The following TAS1R1 variants were observed in gnomAD, a reference collection of about 807,000 sequenced individuals.
TAS1R1 encodes the protein taste receptor type 1 member 1.
A neutral mutation model predicts 45.8 loss-of-function variants in TAS1R1; 31 were observed. That is an observed-to-expected ratio of 0.68 (90% CI 0.51 to 0.91). The LOEUF is 0.91. Among genes scored for constraint, TAS1R1 ranks in the 40% least tolerant of loss-of-function variants. TAS1R1 has a pLI of 0.00. For missense variants in TAS1R1, 1,051 were observed against 1,063.9 expected, an observed-to-expected ratio of 0.99 and a Z score of 0.17; for synonymous variants, 437 against 448.4, an observed-to-expected ratio of 0.97 and a Z score of 0.32.
At chr1:6,566,664 C>T (rs1347805536) in intron 1 of TAS1R1, among the ~76,000 whole-genome samples, 3 of 152,180 alleles carry the variant, frequency 2.0e-5, no homozygotes, top group African/African-American at 4.8e-5. Context: ...GGCGCTATCT[C>T]GGCTCACTGC....
intron 1 of TAS1R1, among the ~76,000 whole-genome samples, chr1:6,568,294 A>G (rs1639915868): frequency 6.6e-6 from 1 of 151,932 alleles, no homozygotes. Flanking sequence ...CTAAAAAAAA[A>G]TACAAAAAAA....
At chr1:6,559,115 A>T (rs1639736940) in intron 1 of TAS1R1, among the ~76,000 whole-genome samples, 1 of 151,668 alleles carries the variant, frequency 6.6e-6, no homozygotes, top group Non-Finnish European at 1.5e-5. Flanking sequence ...GGATGGTCTC[A>T]ATCTCCTGAC....
intron 1 of TAS1R1, among the ~76,000 whole-genome samples, chr1:6,560,901 G>A (rs544777893): frequency 5.4e-5 from 8 of 149,282 alleles, no homozygotes; most frequent in East Asian, 2.0e-4. Flanking sequence ...GGAGAATGGC[G>A]TGAACCCAGG....
intron 1 of TAS1R1, among the ~76,000 whole-genome samples, chr1:6,567,415 C>T (rs1229054508): frequency 1.3e-5 from 2 of 152,112 alleles, no homozygotes; most frequent in East Asian, 1.9e-4. Flanking sequence ...AAAAAATTAG[C>T]CAGGCGTGGT....
intron 1 of TAS1R1, among the ~76,000 whole-genome samples, 168 bp downstream of exon 1, chr1:6,555,732 A>G (rs1639665401): frequency 6.6e-6 from 1 of 152,194 alleles, no homozygotes; most frequent in South Asian, 2.1e-4. Context: ...ACCTTCCTAG[A>G]CACTTCGGCC....
Position 6,555,478 on chromosome 1 carries a change from C to T in TAS1R1, c.105C>T (p.Pro35=), listed in dbSNP as rs757614874. 177 of 1,592,206 alleles carry T rather than the reference C, an allele frequency of 1.1e-4. No homozygotes were observed. The South Asian group carries it at 1.9e-3, about 17-fold the overall frequency. The change falls in exon 1 of 6, where the codon CCC becomes CCT. Residue 35 remains proline (P), a synonymous_variant. Transcript: ENST00000333172. ...AGTCTTCTCCTGACTTCACCCTCCC[C>T]GGAGATTACCTCCTGGCAGGCCTGT... ...STESSPDFTL[P]GDYLLAGLFP...
At chr1:6,558,044 TTTTGTTTTTG>T (rs1639716562) in intron 1 of TAS1R1, among the ~76,000 whole-genome samples, 1 of 138,084 alleles carries the variant, frequency 7.2e-6, no homozygotes, top group African/African-American at 2.7e-5. Context: ...TAGTTTTTGT[TTTTGTTTTTG>T]TTTTTTTTCT....
chr1:6,569,240 T>G (rs1639948121), intron 1 of TAS1R1, among the ~76,000 whole-genome samples: 1 of 151,992 alleles, frequency 6.6e-6, no homozygotes, highest in South Asian at 2.1e-4. Flanking sequence ...AGTCATCGAC[T>G]GGGGCTGTAG....
intron 1 of TAS1R1, among the ~76,000 whole-genome samples, chr1:6,563,839 A>T (rs898563100): frequency 6.6e-6 from 1 of 152,168 alleles, no homozygotes; most frequent in Admixed American, 6.5e-5. Context: ...AGGGGAGGTC[A>T]TCTATCCACT....
chr1:6,566,752 C>T (rs1466143929), intron 1 of TAS1R1, among the ~76,000 whole-genome samples: 4 of 152,196 alleles, frequency 2.6e-5, no homozygotes, highest in Non-Finnish European at 4.4e-5. Flanking sequence ...CCCGCCACTG[C>T]GCCTGGCTAA....
Position 6,578,743 on chromosome 1 carries a change from T to C in TAS1R1, c.1685T>C (p.Leu562Ser). 1 of 1,613,992 alleles carries C rather than the reference T, an allele frequency of 6.2e-7. No individual in the cohort carries two copies. The highest frequency in any genetic ancestry group is 8.5e-7 in the Non-Finnish European group (1 of 1,179,932). ...CCGCGCACTGTGGTGTTTTTGGCTT[T>C]GCGTGAGCACACCTCTTGGGTGCTG... ...CFPRTVVFLA[L>S]REHTSWVLLA... The change falls in exon 6 of 6, where the codon TTG becomes TCG. Residue 562 changes from leucine to serine, a missense_variant. Physicochemically the swap from Leu to Ser is moderately radical, Grantham distance 145 (BLOSUM62 -2). Coordinates refer to ENST00000333172, the MANE Select transcript of TAS1R1 (RefSeq NM_138697.4).
rs1468545961 is a variant in TAS1R1, at chr1:6,571,156, G to A, written c.439G>A (p.Asp147Asn). ...SPTVLAVIGP[D>N]STNRAATTAA... is the part of the protein sequence containing the mutation. ...TACGGTGCTGGCAGTGATTGGGCCT[G>A]ACAGCACCAACCGTGCTGCCACCAC... is the stretch of plus-strand genomic sequence containing the variant. Residue 147 changes from aspartate (D) to asparagine (N), a missense_variant, in exon 2 of 6, where the codon GAC becomes AAC. By Grantham distance (23) the Asp-to-Asn change is conservative. Transcript: ENST00000333172. 1 of 1,607,606 alleles carries A rather than the reference G, an allele frequency of 6.2e-7. No homozygotes were observed. The highest frequency in any genetic ancestry group is 2.2e-5 in the East Asian group (1 of 44,832).
rs1475561203 is a variant in TAS1R1 at position 6,574,627 on chromosome 1, A to G, written c.499-4A>G. On this transcript the variant is annotated splice_polypyrimidine_tract_variant and splice_region_variant and intron_variant, in intron 2 of 5. Coordinates refer to ENST00000333172, the MANE Select transcript of TAS1R1 (RefSeq NM_138697.4). This position sits in a 1 kb window ranked among gnomAD's most constrained non-coding sequence, Gnocchi z 4.3. ...CTGAAATGGCTGAACGGGACCTCCC[A>G]TAGATTAGCTATGCGGCCAGCAGCG... 3 of 1,592,484 alleles carry G rather than the reference A, an allele frequency of 1.9e-6. No individual in the cohort carries two copies. Among genetic ancestry groups the G allele is most frequent in the South Asian group, 2.3e-5 (2 of 87,090 alleles).
intron 1 of TAS1R1, among the ~76,000 whole-genome samples, chr1:6,558,362 G>A (rs1335259391): frequency 1.3e-5 from 2 of 152,082 alleles, no homozygotes; most frequent in South Asian, 2.1e-4. Context: ...GATTGTCTAG[G>A]CTATAGTGCC....
At chr1:6,559,148 C>T (rs1275048838) in intron 1 of TAS1R1, among the ~76,000 whole-genome samples, 1 of 152,060 alleles carries the variant, frequency 6.6e-6, no homozygotes, top group Non-Finnish European at 1.5e-5. Flanking sequence ...CCGCCTCGGC[C>T]TCCCAAAGTG....
intron 1 of TAS1R1, among the ~76,000 whole-genome samples, chr1:6,555,866 CTTTTTTTTTTT>C (rs770363613): frequency 5.2e-5 from 5 of 95,302 alleles, no homozygotes; most frequent in Non-Finnish European, 8.1e-5. Flanking sequence ...TTTCCCTCTT[CTTTTTTTTTTT>C]TTTTTTTTTT....
rs1466993155 is a variant in TAS1R1 at position 6,577,173 on chromosome 1, G to A, written c.1594+103G>A. 1.3e-5 allele frequency: 19 copies of A among 1,516,636 alleles called. No homozygotes were observed. In the East Asian group the frequency reaches 3.8e-4, roughly 30 times the overall value. 93.9% of individuals were successfully genotyped at this position (1,516,636 alleles called of 1,614,324 possible). On this transcript the variant is annotated intron_variant, in intron 5 of 5. Transcript: ENST00000333172. ...CCATGTGCCCTGCCCCAGAACCAAG[G>A]CCCAGTCACTGGGCTGCCAGTTAGC...
At chr1:6,576,915 G>A (rs775460886) in intron 4 of TAS1R1, 35 bp from the exon 5 acceptor site, 1 of 1,614,090 alleles carries the variant, frequency 6.2e-7, no homozygotes, top group South Asian at 1.1e-5. Flanking sequence ...CCTTTGACTT[G>A]GGCCCCTACG....
chr1:6,570,808 T>TGAGA, intron 1 of TAS1R1, 101 bp from the exon 2 acceptor site: 1 of 1,139,278 alleles, frequency 8.8e-7, no homozygotes, highest in Non-Finnish European at 1.3e-6. Context: ...ACCGATGACC[T>TGAGA]CAAAGGTTCC....
Sources: gnomAD v4.1 joint callset for allele counts (sites outside exome capture counted in the v4.1 genomes callset) on GRCh38, gnomAD v4.1.1 for gene constraint, Gnocchi (gnomAD v3.1) non-coding constraint, MANE v1.5 for transcripts, NCBI Gene and HGNC (gene_info 2026-07-23, HGNC 2026-07-21) for gene names.